NUDT3: variants seen among roughly 807,000 people sequenced by gnomAD.
The protein encoded by NUDT3 is nudix hydrolase 3, also known as diphosphoinositol polyphosphate phosphohydrolase 1.
Under a neutral mutation model 23.6 loss-of-function variants are expected in NUDT3, and 9 were observed. The ratio of observed to expected loss-of-function variants is 0.38; its 90% CI spans 0.23 to 0.66. The LOEUF (loss-of-function observed/expected upper bound fraction) is 0.66. NUDT3 is among the 30% of genes least tolerant of loss of function. The probability of loss-of-function intolerance (pLI) is 0.52; values close to 1 mark genes in which losing one functional copy is unlikely to be tolerated. For missense variants in NUDT3, 172 were observed against 218.5 expected, an observed-to-expected ratio of 0.79 and a Z score of 1.34; for synonymous variants, 86 against 82.6, an observed-to-expected ratio of 1.04 and a Z score of -0.22.
chr6:34,310,687 T>C (rs1483813344), intron 2 of NUDT3, among the ~76,000 whole-genome samples: 1 of 152,182 alleles, frequency 6.6e-6, no homozygotes. Context: ...CTTCCTAACT[T>C]AGTCTATGAG....
chr6:34,292,286 A>G (rs1763434834), intron 4 of NUDT3, among the ~76,000 whole-genome samples: 1 of 152,222 alleles, frequency 6.6e-6, no homozygotes, highest in African/African-American at 2.4e-5. Context: ...CAGAGTAACA[A>G]TGTGAGGGGC....
At chr6:34,298,353 T>C (rs1247400664) in intron 2 of NUDT3, among the ~76,000 whole-genome samples, 2 of 152,138 alleles carry the variant, frequency 1.3e-5, no homozygotes, top group African/African-American at 4.8e-5. Flanking sequence ...CAGAGACATC[T>C]TGTCTCAAAA....
chr6:34,294,933 C>T (rs1312095142), intron 3 of NUDT3, among the ~76,000 whole-genome samples: 1 of 152,026 alleles, frequency 6.6e-6, no homozygotes, highest in Non-Finnish European at 1.5e-5. Flanking sequence ...AGCATCTGCT[C>T]ATCTTGATTT....
rs1765095844 is a variant in NUDT3 at position 34,385,796 on chromosome 6, G to A, written c.99+6468C>T. Reference sequence around the variant, plus strand: ...TCTCCTGGGTTCAAGCAATTCTTGTGCCTCAGCCTCCCATGTAGCTGGGAC... The same window carrying A: ...TCTCCTGGGTTCAAGCAATTCTTGTACCTCAGCCTCCCATGTAGCTGGGAC... On this transcript the variant is annotated intron_variant, in intron 1 of 4. Transcript: ENST00000607016. Among the ~76,000 whole-genome samples the A allele has an allele frequency of 2.0e-5, 3 of 151,390 alleles. No homozygotes were observed. The Admixed American group carries it at 2.0e-4, about 10-fold the overall frequency.
intron 1 of NUDT3, among the ~76,000 whole-genome samples, chr6:34,347,736 C>A (rs1405143998): frequency 6.6e-6 from 1 of 151,946 alleles, no homozygotes; most frequent in African/African-American, 2.4e-5. Flanking sequence ...AACCCATAGT[C>A]CCTGCCCTAT....
intron 2 of NUDT3, among the ~76,000 whole-genome samples, chr6:34,296,256 G>A (rs527571827): frequency 1.0e-4 from 15 of 146,818 alleles, no homozygotes; most frequent in South Asian, 2.2e-4. Context: ...GTGACAAAGT[G>A]AGACCATGTC....
rs76441375 is a variant in NUDT3 at position 34,321,899 on chromosome 6, C to T, written c.210+19963G>A. ...AGCACTTGAAATGTGGCTAGTGTAA[C>T]TAAGAAACTGAATTTTGTATTTATT... On this transcript the variant is annotated intron_variant, in intron 2 of 4. Transcript: ENST00000607016. Among the ~76,000 whole-genome samples the T allele has an allele frequency of 2.0e-4, 31 of 152,290 alleles. No individual in the cohort carries two copies. The East Asian group carries it at 5.8e-3, about 28-fold the overall frequency.
intron 2 of NUDT3, among the ~76,000 whole-genome samples, chr6:34,314,326 G>A (rs1483907891): frequency 1.3e-5 from 2 of 151,574 alleles, no homozygotes; most frequent in Non-Finnish European, 2.9e-5. Context: ...GCCGAGGTGG[G>A]TGGACGACCT....
intron 1 of NUDT3, among the ~76,000 whole-genome samples, chr6:34,360,030 A>G (rs1764622335): frequency 6.6e-6 from 1 of 152,064 alleles, no homozygotes; most frequent in Non-Finnish European, 1.5e-5. Context: ...GGAGTTGGAG[A>G]CCAGCCTGAC....
chr6:34,322,690 G>A (rs962363064), intron 2 of NUDT3, among the ~76,000 whole-genome samples: 1 of 152,228 alleles, frequency 6.6e-6, no homozygotes, highest in Non-Finnish European at 1.5e-5. Context: ...AACATTTCAT[G>A]ATAACTGGGG....
intron 1 of NUDT3, among the ~76,000 whole-genome samples, chr6:34,387,026 C>T (rs1765117642): frequency 6.6e-6 from 1 of 152,116 alleles, no homozygotes; most frequent in African/African-American, 2.4e-5. Flanking sequence ...GGGAGGATCG[C>T]TTAAGCCCAG....
chr6:34,283,390 A>C lies in NUDT3; in HGVS notation c.*5363T>G, dbSNP rs894923254. ...TGGCTAATTTTTGTATTTTTAGTAG[A>C]GATGGGGTTTCACCATATTGGTCAG... is the stretch of plus-strand genomic sequence containing the variant. On this transcript the variant is annotated 3_prime_UTR_variant, in exon 5 of 5. Transcript: ENST00000607016. 1 of 151,976 alleles carries C rather than the reference A, an allele frequency of 6.6e-6. No individual in the cohort carries two copies. Among genetic ancestry groups the C allele is most frequent in the African/African-American group, 2.4e-5 (1 of 41,358 alleles). The allele number at this position is 151,976 out of a possible 1,614,324, so 9.4% of individuals were successfully genotyped here.
chr6:34,288,950 A>G lies in NUDT3; in HGVS notation c.341-19T>C. ...TTCCTTCCTGTGGAGGCAGAGAGAAAAGAAACTAGTACAAGAGTAATAAGG... is the reference window on the plus strand; with the variant it reads ...TTCCTTCCTGTGGAGGCAGAGAGAAGAGAAACTAGTACAAGAGTAATAAGG... On this transcript the variant is annotated intron_variant, in intron 4 of 4. Coordinates refer to ENST00000607016, the MANE Select transcript of NUDT3 (RefSeq NM_006703.4). The G allele has an allele frequency of 6.3e-7, 1 of 1,587,226 alleles. No individual in the cohort carries two copies. The highest frequency in any genetic ancestry group is 8.5e-7 in the Non-Finnish European group (1 of 1,170,394).
chr6:34,365,871 G>A (rs1764720260), intron 1 of NUDT3, among the ~76,000 whole-genome samples: 1 of 151,902 alleles, frequency 6.6e-6, no homozygotes, highest in African/African-American at 2.4e-5. Context: ...GTGAAAGCTC[G>A]TCTCTACTAA....
At position 34,283,816 on chromosome 6, in the gene NUDT3, A is replaced by G. The variant is rs1763305632; in HGVS notation, c.*4937T>C. The G allele has an allele frequency of 6.6e-6, 1 of 152,210 alleles. No individual in the cohort carries two copies. 9.4% of individuals were successfully genotyped at this position (152,210 alleles called of 1,614,324 possible). ...CAGTATCTTTTAGGGACTGCAGCCA[A>G]TGTTCCCCAATTTACTTTTTTTTTA... On this transcript the variant is annotated 3_prime_UTR_variant, in exon 5 of 5. Coordinates refer to ENST00000607016, the MANE Select transcript of NUDT3 (RefSeq NM_006703.4).
intron 4 of NUDT3, among the ~76,000 whole-genome samples, 195 bp from the exon 5 acceptor site, chr6:34,289,126 C>G (rs1351162952): frequency 6.6e-6 from 1 of 152,112 alleles, no homozygotes. Flanking sequence ...AACCTGAAAA[C>G]CAAAGAGCTA....
At chr6:34,386,659 A>G (rs1328685679) in intron 1 of NUDT3, among the ~76,000 whole-genome samples, 4 of 152,186 alleles carry the variant, frequency 2.6e-5, no homozygotes, top group Admixed American at 6.5e-5. Flanking sequence ...ACTATATAAC[A>G]TTTCAGTCAA....
In NUDT3 at chr6:34,287,896, A is replaced by G. The variant is rs1020536045; in HGVS notation, c.*857T>C. On this transcript the variant is annotated 3_prime_UTR_variant, in exon 5 of 5. Coordinates refer to ENST00000607016, the MANE Select transcript of NUDT3 (RefSeq NM_006703.4). ...TGTGGGGCAGAATTCAATTTCTATC[A>G]TTGTTTTTACAGATCTGGGCTGAGG... The G allele has an allele frequency of 2.0e-5, 3 of 152,196 alleles. No individual in the cohort carries two copies. Among genetic ancestry groups the G allele is most frequent in the Admixed American group, 1.3e-4 (2 of 15,274 alleles). 9.4% of individuals were successfully genotyped at this position (152,196 alleles called of 1,614,324 possible).
rs1372548214 is a variant in NUDT3, at chr6:34,285,836, T to C, written c.*2917A>G. 2 of 152,224 alleles carry C rather than the reference T, an allele frequency of 1.3e-5. No homozygotes were observed. The highest frequency in any genetic ancestry group is 4.8e-5 in the African/African-American group (2 of 41,462). The allele number at this position is 152,224 out of a possible 1,614,324, so 9.4% of individuals were successfully genotyped here. On this transcript the variant is annotated 3_prime_UTR_variant, in exon 5 of 5. Transcript: ENST00000607016. Reference sequence around the variant, plus strand: ...GCACCAGTTTCAACAATTCTGATGTTGGACAAAGCCTCTTTTTGTCAGTTA... The same window carrying C: ...GCACCAGTTTCAACAATTCTGATGTCGGACAAAGCCTCTTTTTGTCAGTTA...
Sources: gnomAD v4.1 joint callset for allele counts (sites outside exome capture counted in the v4.1 genomes callset) on GRCh38, gnomAD v4.1.1 for gene constraint, MANE v1.5 for transcripts, NCBI Gene and HGNC (gene_info 2026-07-23, HGNC 2026-07-21) for gene names.